The following STK24 variants were observed in gnomAD, a reference collection of about 807,000 sequenced individuals.
STK24 encodes serine/threonine kinase 24, also known as serine/threonine-protein kinase 24.
Under a neutral mutation model 55.6 loss-of-function variants are expected in STK24, and 21 were observed. The observed-to-expected ratio is 0.38, with a 90% CI of 0.27 to 0.54. The LOEUF (loss-of-function observed/expected upper bound fraction) is 0.54. Ranked by LOEUF, STK24 falls within the 20% of genes least tolerant of loss-of-function variation. The pLI, the probability that STK24 is intolerant of heterozygous loss-of-function variation, is 0.79. For synonymous variants in STK24, 200 were observed against 215.2 expected (o/e 0.93, Z 0.62); for missense variants, 383 against 538.4 (o/e 0.71, Z 2.86).
Position 98,491,786 on chromosome 13 carries a change from T to C in STK24, c.274-9465A>G, listed in dbSNP as rs537211016. 2.6e-5 allele frequency among the ~76,000 whole-genome samples: 4 copies of C among 151,606 alleles called. No individual in the cohort carries two copies. In the South Asian group the frequency reaches 6.3e-4, roughly 24 times the overall value. On this transcript the variant is annotated intron_variant, in intron 2 of 10. Transcript: ENST00000539966. ...ATACATGCATAAATAATCAAAAATATTGGGATGAGAAATGAATCCAATCAT... is the reference window on the plus strand; with the variant it reads ...ATACATGCATAAATAATCAAAAATACTGGGATGAGAAATGAATCCAATCAT...
intron 1 of STK24, among the ~76,000 whole-genome samples, chr13:98,530,317 C>T (rs1251097314): frequency 6.6e-6 from 1 of 152,144 alleles, no homozygotes. Context: ...TTTTTACCCC[C>T]ATAAAGGAAC....
At chr13:98,535,336 T>TCAAA (rs1205515223) in intron 1 of STK24, among the ~76,000 whole-genome samples, 13 of 106,252 alleles carry the variant, frequency 1.2e-4, no homozygotes, top group Non-Finnish European at 1.7e-4. Context: ...AAACTCTGTC[T>TCAAA]CAAACAAACA....
intron 5 of STK24, among the ~76,000 whole-genome samples, chr13:98,468,453 G>A (rs758617522): frequency 6.6e-6 from 1 of 152,206 alleles, no homozygotes; most frequent in Non-Finnish European, 1.5e-5. Flanking sequence ...GGAGCACAGG[G>A]TGGGCAAGCA....
intron 8 of STK24, among the ~76,000 whole-genome samples, chr13:98,461,054 AAGAG>A (rs71292876): frequency 0.015 from 2,106 of 143,724 alleles, 18 homozygotes; most frequent in East Asian, 0.037. Flanking sequence ...AAAAAAAAAA[AAGAG>A]AGAGAGAGAG....
chr13:98,556,891 C>T (rs924715546), intron 1 of STK24, among the ~76,000 whole-genome samples: 10 of 152,214 alleles, frequency 6.6e-5, no homozygotes, highest in African/African-American at 2.4e-4. Context: ...GGAGCTCAGA[C>T]ACATGATTTG....
At chr13:98,503,426 T>C (rs1366667173) in intron 2 of STK24, among the ~76,000 whole-genome samples, 1 of 152,216 alleles carries the variant, frequency 6.6e-6, no homozygotes, top group East Asian at 1.9e-4. Flanking sequence ...TAGAATTCAT[T>C]TGGTGACCTT....
chr13:98,487,283 C>T (rs1894842528), intron 2 of STK24, among the ~76,000 whole-genome samples: 1 of 152,224 alleles, frequency 6.6e-6, no homozygotes, highest in Admixed American at 6.5e-5. Context: ...AATAAACCAG[C>T]AGGCTTCTCA....
chr13:98,500,029 T>G (rs1429908955), intron 2 of STK24, among the ~76,000 whole-genome samples: 1 of 152,256 alleles, frequency 6.6e-6, no homozygotes, highest in African/African-American at 2.4e-5. Flanking sequence ...TGTTACTTTG[T>G]GTTTCCTAAG....
At chr13:98,565,212 G>C (rs1281600137) in intron 1 of STK24, among the ~76,000 whole-genome samples, 3 of 152,078 alleles carry the variant, frequency 2.0e-5, no homozygotes, top group African/African-American at 7.2e-5. Flanking sequence ...CAATACACCA[G>C]GACACTTGCT....
At chr13:98,565,934 G>A (rs1161700906) in intron 1 of STK24, among the ~76,000 whole-genome samples, 5 of 152,240 alleles carry the variant, frequency 3.3e-5, no homozygotes, top group Non-Finnish European at 7.3e-5. Flanking sequence ...CACAGACAGC[G>A]CAGTGCCAGC....
In STK24 at chr13:98,489,506, G is replaced by A. The variant is rs545306831; in HGVS notation, c.274-7185C>T. On this transcript the variant is annotated intron_variant, in intron 2 of 10. Coordinates refer to ENST00000539966, the MANE Select transcript of STK24 (RefSeq NM_001032296.4). ...GTGGCTGAGGGGGAACGCAGAGTGA[G>A]TAACACCCTGGCTCTGGCTTTCAGG... 9.8e-5 allele frequency among the ~76,000 whole-genome samples: 15 copies of A among 152,360 alleles called. No homozygotes were observed. The South Asian group carries it at 3.1e-3, about 32-fold the overall frequency.
chr13:98,519,126 AC>A, intron 2 of STK24, 116 bp downstream of exon 2: 1 of 778,382 alleles, frequency 1.3e-6, no homozygotes, highest in Non-Finnish European at 2.1e-6. Flanking sequence ...GAAGGTCAAA[AC>A]ATCTCTCCTT....
intron 10 of STK24, 46 bp from the exon 11 acceptor site, chr13:98,453,255 T>C (rs1893286114): frequency 6.3e-7 from 1 of 1,585,872 alleles, no homozygotes; most frequent in Non-Finnish European, 8.6e-7. Context: ...TCATTTCTCA[T>C]CCCTGTGCAA....
intron 2 of STK24, among the ~76,000 whole-genome samples, chr13:98,509,700 G>A (rs931548461): frequency 6.6e-6 from 1 of 152,178 alleles, no homozygotes; most frequent in Non-Finnish European, 1.5e-5. Flanking sequence ...GAACTTAGAG[G>A]CATCTCCTAC....
intron 10 of STK24, chr13:98,454,109 C>A (rs1369587805): frequency 2.6e-5 from 4 of 152,118 alleles, no homozygotes; most frequent in African/African-American, 9.7e-5. Context: ...AAATTAAGTA[C>A]TATAGAAATT....
chr13:98,474,537 C>T (rs1250705996), intron 5 of STK24, among the ~76,000 whole-genome samples: 1 of 152,104 alleles, frequency 6.6e-6, no homozygotes, highest in Non-Finnish European at 1.5e-5. Flanking sequence ...GTTCCTCCCA[C>T]CCCCCTCCAA....
chr13:98,525,857 T>C (rs933340250), intron 1 of STK24, among the ~76,000 whole-genome samples: 6 of 152,356 alleles, frequency 3.9e-5, no homozygotes, highest in Non-Finnish European at 8.8e-5. Flanking sequence ...ACACATCCCA[T>C]GCAGGGTCTG....
intron 1 of STK24, among the ~76,000 whole-genome samples, chr13:98,540,210 G>A (rs1199272553): frequency 2.6e-5 from 4 of 152,204 alleles, no homozygotes; most frequent in Non-Finnish European, 4.4e-5. Flanking sequence ...AGGCTAGGGT[G>A]GGAACAGAGA....
chr13:98,536,985 G>A (rs955811369), intron 1 of STK24, among the ~76,000 whole-genome samples: 24 of 152,196 alleles, frequency 1.6e-4, no homozygotes, highest in Admixed American at 1.1e-3. Context: ...CGCCCCTCCC[G>A]GCTCATCTCC....
Sources: gnomAD v4.1 joint callset for allele counts (sites outside exome capture counted in the v4.1 genomes callset) on GRCh38, gnomAD v4.1.1 for gene constraint, MANE v1.5 for transcripts, NCBI Gene and HGNC (gene_info 2026-07-23, HGNC 2026-07-21) for gene names.